Variants in FMR1 observed in about 807,000 individuals in gnomAD.
FMR1 encodes the protein fragile X messenger ribonucleoprotein 1, also known as FMRP translational regulator 1.
A neutral mutation model predicts 50.6 loss-of-function variants in FMR1; 13 were observed. The observed-to-expected ratio is 0.26, with a 90% CI of 0.17 to 0.41. FMR1 has a LOEUF of 0.41. Among genes scored for constraint, FMR1 ranks in the 10% least tolerant of loss-of-function variants. The pLI, the probability that FMR1 is intolerant of heterozygous loss-of-function variation, is 1.00. For synonymous variants in FMR1, 138 were observed against 164.1 expected, an observed-to-expected ratio of 0.84 and a Z score of 1.22; for missense variants, 316 against 491.3, an observed-to-expected ratio of 0.64 and a Z score of 3.37.
chrX:147,945,235 A>G (rs782729102), intron 15 of FMR1, among the ~76,000 whole-genome samples, 184 bp downstream of exon 15: 1 of 111,998 alleles, frequency 8.9e-6, no homozygotes, highest in African/African-American at 3.2e-5. Flanking sequence ...AGCCTTCCTT[A>G]TGGTTCATAC....
In FMR1 at chrX:147,928,324, G is replaced by A. The variant is rs979292374; in HGVS notation, c.201G>A (p.Val67=). The A allele has an allele frequency of 8.3e-7, 1 of 1,197,812 alleles. No individual in the cohort carries two copies. The highest frequency in any genetic ancestry group is 1.1e-6 in the Non-Finnish European group (1 of 883,207). The change falls in exon 4 of 17, where the codon GTG becomes GTA. Residue 67 remains valine (V), a splice_region_variant and synonymous_variant. Transcript: ENST00000370475. ...TCTGTGTTGTAATTTTTGTGTAGGT[G>A]TATTCCAGAGCAAATGAAAAAGAGC... ...KDINESDEVE[V]YSRANEKEPC... is the part of the protein sequence containing the mutation.
At chrX:147,916,832 G>C (rs1373573115) in intron 1 of FMR1, among the ~76,000 whole-genome samples, 2 of 111,527 alleles carry the variant, frequency 1.8e-5, no homozygotes, top group African/African-American at 6.5e-5. Context: ...CCACCTCTCG[G>C]GTTCAAGCCA....
rs782036637 is a variant in FMR1, at chrX:147,912,081, AGGCGGCGGCGGCGGCGGCGGC to A, written c.-89_-69del. ...GCGGCGGCGGCGGCGGCGGCGGCGG[AGGCGGCGGCGGCGGCGGCGGC>A]GGCGGCGGCTGGGCCTCGAGCGCCC... On this transcript the variant is annotated 5_prime_UTR_variant, in exon 1 of 17. Coordinates refer to ENST00000370475, the MANE Select transcript of FMR1 (RefSeq NM_002024.6). The A allele has an allele frequency of 1.8e-5, 5 of 283,913 alleles. No individual in the cohort carries two copies. Among genetic ancestry groups the A allele is most frequent in the Non-Finnish European group, 1.8e-5 (4 of 224,760 alleles). The allele number at this position is 283,913 out of a possible 1,213,427, so 23.4% of individuals were successfully genotyped here.
At chrX:147,915,535 C>G (rs1309642833) in intron 1 of FMR1, among the ~76,000 whole-genome samples, 1 of 110,796 alleles carries the variant, frequency 9.0e-6, no homozygotes, top group Non-Finnish European at 1.9e-5. Flanking sequence ...ATCTTTGTGG[C>G]TGCATCATTT....
intron 1 of FMR1, among the ~76,000 whole-genome samples, chrX:147,921,193 T>G (rs905866409): frequency 5.4e-5 from 6 of 112,074 alleles, no homozygotes; most frequent in African/African-American, 9.7e-5. Flanking sequence ...AAAACCTTCC[T>G]TTTCTGTACC....
intron 16 of FMR1, among the ~76,000 whole-genome samples, chrX:147,946,652 G>A (rs111659920): frequency 0.06 from 6,692 of 112,155 alleles, 204 homozygotes; most frequent in Middle Eastern, 0.12. Context: ...CACATAGCTA[G>A]CATATGTCCA....
intron 5 of FMR1, among the ~76,000 whole-genome samples, chrX:147,929,146 A>G (rs183831845): frequency 3.6e-5 from 4 of 112,140 alleles, no homozygotes; most frequent in Non-Finnish European, 7.5e-5. Context: ...GTCACAAACT[A>G]TAAACGATTT....
At chrX:147,929,370 C>T (rs1557178203) in intron 5 of FMR1, among the ~76,000 whole-genome samples, 1 of 111,002 alleles carries the variant, frequency 9.0e-6, no homozygotes, top group Non-Finnish European at 1.9e-5. Flanking sequence ...AATTGCAGTT[C>T]AGAATACATA....
rs2044274956 is a variant in FMR1, at chrX:147,949,667, A to G, written c.*823A>G. 6.1e-6 allele frequency: 2 copies of G among 327,620 alleles called. No homozygotes were observed. Among genetic ancestry groups the G allele is most frequent in the Non-Finnish European group, 1.2e-5 (2 of 169,472 alleles). 27.0% of individuals were successfully genotyped at this position (327,620 alleles called of 1,213,427 possible). On this transcript the variant is annotated 3_prime_UTR_variant, in exon 17 of 17. Transcript: ENST00000370475. ...AATTTTTCTGTATAGACAGGAGAAG[A>G]AAGAACTATCTTCATCTGAGAGAGG...
intron 9 of FMR1, 40 bp from the exon 10 acceptor site, chrX:147,936,464 A>T: frequency 1.2e-6 from 1 of 821,120 alleles, no homozygotes; most frequent in Non-Finnish European, 1.9e-6. Flanking sequence ...GCTTTGAGGT[A>T]TGTGTTTTTA....
chrX:147,933,366 C>G (rs782071756), intron 9 of FMR1: 50 of 693,564 alleles, frequency 7.2e-5, no homozygotes, highest in Non-Finnish European at 5.6e-5. Flanking sequence ...TCTTATGGGA[C>G]TATAAAATGA....
chrX:147,920,221 T>G (rs782618062), intron 1 of FMR1, among the ~76,000 whole-genome samples: 1 of 112,320 alleles, frequency 8.9e-6, no homozygotes, highest in East Asian at 2.8e-4. Flanking sequence ...TGAAACGTAT[T>G]CTTTTTGCAT....
intron 1 of FMR1, among the ~76,000 whole-genome samples, chrX:147,919,562 G>A (rs2043054602): frequency 8.9e-6 from 1 of 112,525 alleles, no homozygotes; most frequent in African/African-American, 3.2e-5. Flanking sequence ...ATAAGAAAAT[G>A]TTGATTTCTC....
At chrX:147,947,313 GAGGC>G (rs1249008669) in intron 16 of FMR1, 3 of 107,469 alleles carry the variant, frequency 2.8e-5, no homozygotes, top group Non-Finnish European at 5.7e-5. Flanking sequence ...TCGGGAGGCT[GAGGC>G]AGGAGAATCG....
chrX:147,945,448 T>A, intron 15 of FMR1, 86 bp from the exon 16 acceptor site: 2 of 736,119 alleles, frequency 2.7e-6, no homozygotes, highest in Non-Finnish European at 4.2e-6. Flanking sequence ...CTGTGGTTGG[T>A]TTAAATAGAG....
intron 14 of FMR1, 79 bp from the exon 15 acceptor site, chrX:147,944,790 G>T: frequency 8.7e-7 from 1 of 1,145,085 alleles, no homozygotes; most frequent in East Asian, 3.1e-5. Flanking sequence ...CCCCTGAAAC[G>T]TCTCTGGAAG....
chrX:147,945,157 C>T, intron 15 of FMR1, 106 bp downstream of exon 15: 1 of 1,100,566 alleles, frequency 9.1e-7, no homozygotes, highest in Non-Finnish European at 1.2e-6. Flanking sequence ...TCCCATCTCT[C>T]CCGTTTTGTG....
At chrX:147,945,671 T>A in intron 16 of FMR1, 55 bp downstream of exon 16, 1 of 855,803 alleles carries the variant, frequency 1.2e-6, no homozygotes, top group East Asian at 3.2e-5. Flanking sequence ...TAGTTTGAGA[T>A]TTATGAGTTT....
chrX:147,918,524 C>T (rs1242376219), intron 1 of FMR1, among the ~76,000 whole-genome samples: 1 of 92,002 alleles, frequency 1.1e-5, no homozygotes, highest in East Asian at 4.0e-4. Context: ...ATCCGGAAAT[C>T]ATCCGGAAAT....
Sources: allele counts gnomAD v4.1 joint callset (sites outside exome capture counted in the v4.1 genomes callset), GRCh38; gene constraint gnomAD v4.1.1; transcripts MANE v1.5; gene names NCBI Gene and HGNC (gene_info 2026-07-23, HGNC 2026-07-21).